TRPM4: variants seen among roughly 807,000 people sequenced by gnomAD.
The protein encoded by TRPM4 is calcium-activated non-selective cation channel 1.
A neutral mutation model predicts 135.6 loss-of-function variants in TRPM4; 124 were observed. The ratio of observed to expected loss-of-function variants is 0.91; its 90% CI spans 0.79 to 1.06. The LOEUF (loss-of-function observed/expected upper bound fraction) is 1.06. TRPM4 is among the 50% of genes least tolerant of loss of function. TRPM4 has a pLI of 0.00. For synonymous variants in TRPM4, 745 were observed against 705.6 expected (o/e 1.06, Z -0.88); for missense variants, 1,658 against 1,671.4 (o/e 0.99, Z 0.14).
At chr19:49,160,651 G>A (rs1193840713) in intron 2 of TRPM4, among the ~76,000 whole-genome samples, 2 of 152,104 alleles carry the variant, frequency 1.3e-5, no homozygotes, top group Admixed American at 6.6e-5. Flanking sequence ...GCCAGAGCTT[G>A]CAGGGTGTCA....
chr19:49,178,768 A>G (rs183665510), intron 9 of TRPM4, among the ~76,000 whole-genome samples: 16,287 of 95,966 alleles, frequency 0.17, 1,494 homozygotes, highest in African/African-American at 0.33. Flanking sequence ...TTATTTTTTT[A>G]TTTTTTTTGA....
intron 3 of TRPM4, among the ~76,000 whole-genome samples, chr19:49,166,856 G>C (rs949955180): frequency 6.8e-6 from 1 of 147,098 alleles, no homozygotes; most frequent in Non-Finnish European, 1.5e-5. Flanking sequence ...TCCTCTCTCT[G>C]GGTCTGTTTC....
intron 20 of TRPM4, among the ~76,000 whole-genome samples, chr19:49,203,763 T>TC (rs1969041452): frequency 1.3e-5 from 2 of 152,220 alleles, no homozygotes; most frequent in South Asian, 4.1e-4. Flanking sequence ...TCAAGGCTCA[T>TC]CCCTGTTGTA....
intron 20 of TRPM4, among the ~76,000 whole-genome samples, chr19:49,203,615 C>T (rs1969035544): frequency 6.6e-6 from 1 of 152,190 alleles, no homozygotes; most frequent in Non-Finnish European, 1.5e-5. Context: ...AACAGCAACT[C>T]CCCACTTCCC....
At position 49,168,080 on chromosome 19, in the gene TRPM4, G is replaced by A. The variant is rs755372426; in HGVS notation, c.431G>A (p.Arg144Gln). The change falls in exon 4 of 25, where the codon CGG becomes CAG. Residue 144 changes from arginine to glutamine, a missense_variant. Transcript: ENST00000252826. ...GACCTGCTGCGTCGTGGGCTGGTGC[G>A]GGCTGCCCAGAGCACAGGTGACCGA... ...LQDLLRRGLV[R>Q]AAQSTGAWIV... 6 of 1,606,624 alleles carry A rather than the reference G, an allele frequency of 3.7e-6. No individual in the cohort carries two copies. Among genetic ancestry groups the A allele is most frequent in the Admixed American group, 1.7e-5 (1 of 59,966 alleles).
At chr19:49,166,299 T>A (rs1027489335) in intron 3 of TRPM4, 84 bp downstream of exon 3, 35 of 1,419,160 alleles carry the variant, frequency 2.5e-5, no homozygotes, top group Middle Eastern at 2.5e-4. Flanking sequence ...ACGCCCGCCC[T>A]GAACCCTGGC....
rs149335121 is a variant in TRPM4 at position 49,167,987 on chromosome 19, G to A, written c.338G>A (p.Arg113His). The A allele has an allele frequency of 1.6e-4, 253 of 1,613,976 alleles. 1 individual carries two copies. The highest frequency in any genetic ancestry group is 1.9e-4 in the Non-Finnish European group (221 of 1,179,994). The part of the protein sequence containing the change: ...YSLVTRTWGF[R>H]APNLVVSVLG... ...CTGGTCACACGCACATGGGGCTTCC[G>A]TGCCCCGAACCTGGTGGTGTCAGTG... is the stretch of plus-strand genomic sequence containing the variant. The change falls in exon 4 of 25, where the codon CGT becomes CAT. Residue 113 changes from arginine (R) to histidine (H), a missense_variant. By Grantham distance (29) the Arg-to-His change is conservative (BLOSUM62 0). Coordinates refer to ENST00000252826, the MANE Select transcript of TRPM4 (RefSeq NM_017636.4).
chr19:49,168,470 G>A, intron 5 of TRPM4, 47 bp downstream of exon 5: 1 of 1,613,830 alleles, frequency 6.2e-7, no homozygotes, highest in Non-Finnish European at 8.5e-7. Context: ...CTGGACTCCT[G>A]GGTCTGAGGG....
intron 16 of TRPM4, among the ~76,000 whole-genome samples, chr19:49,192,333 C>T (rs748912039): frequency 1.1e-4 from 16 of 151,924 alleles, no homozygotes; most frequent in Non-Finnish European, 1.8e-4. Context: ...TTAGTAGAGA[C>T]GGGGTTTCAC....
intron 16 of TRPM4, among the ~76,000 whole-genome samples, chr19:49,191,555 G>A (rs1302552266): frequency 1.3e-5 from 2 of 151,678 alleles, no homozygotes; most frequent in African/African-American, 2.4e-5. Flanking sequence ...TCGCTCTGTC[G>A]ACCAGGCTGG....
intron 12 of TRPM4, among the ~76,000 whole-genome samples, chr19:49,184,452 CTTTTTTTTTTT>C (rs67748057): frequency 2.2e-5 from 1 of 45,476 alleles, no homozygotes. Flanking sequence ...TCTCTGTAGT[CTTTTTTTTTTT>C]TTTTTTTTTT....
At chr19:49,194,415 TTA>T (rs1185753259) in intron 16 of TRPM4, among the ~76,000 whole-genome samples, 2 of 152,034 alleles carry the variant, frequency 1.3e-5, no homozygotes, top group Non-Finnish European at 1.5e-5. Context: ...CGGCTAATTT[TTA>T]TATGTTTTGT....
Position 49,171,448 on chromosome 19 carries a change from G to A in TRPM4, c.858+30G>A, listed in dbSNP as rs750752873. 10 of 1,613,774 alleles carry A rather than the reference G, an allele frequency of 6.2e-6. No individual in the cohort carries two copies. In the African/African-American group the frequency reaches 8.0e-5, roughly 13 times the overall value. ...AGGGGCCCGGATGCCCGGATCTAAG[G>A]GGGAAGGAGGGTTGGGGGCCAGGAC... On this transcript the variant is annotated intron_variant, in intron 7 of 24. Transcript: ENST00000252826. The surrounding 1 kb of genome is among the most constrained non-coding windows in gnomAD (Gnocchi z 4.7).
intron 12 of TRPM4, among the ~76,000 whole-genome samples, chr19:49,183,540 G>T (rs903531524): frequency 4.6e-5 from 7 of 151,874 alleles, no homozygotes; most frequent in Non-Finnish European, 8.8e-5. Flanking sequence ...GGGATTACAG[G>T]CACCTGCCCC....
At position 49,196,603 on chromosome 19, in the gene TRPM4, C is replaced by A. The variant is rs1968651807; in HGVS notation, c.2374C>A (p.Leu792Met). The A allele has an allele frequency of 2.6e-6, 4 of 1,556,064 alleles. No individual in the cohort carries two copies. Among genetic ancestry groups the A allele is most frequent in the African/African-American group, 2.7e-5 (2 of 73,684 alleles). The change falls in exon 17 of 25, where the codon CTG becomes ATG. Residue 792 changes from leucine (L) to methionine (M), a missense_variant. By Grantham distance (15) the Leu-to-Met change is conservative. Transcript: ENST00000252826. ...IFMGNVVSYL[L>M]FLLLFSRVLL... ...CATGGGCAACGTGGTCAGCTACCTG[C>A]TGTTCCTGCTGCTTTTCTCGCGGGT...
At position 49,166,252 on chromosome 19, in the gene TRPM4, G is replaced by C. The variant is rs778283950; in HGVS notation, c.267+37G>C. ...CTCTGTGGGCGGGGCCCGGGCACCA[G>C]GGGGCTGCATGCTCGGGGCTCCAGA... On this transcript the variant is annotated intron_variant, in intron 3 of 24. Coordinates refer to ENST00000252826, the MANE Select transcript of TRPM4 (RefSeq NM_017636.4). The C allele has an allele frequency of 9.0e-6, 14 of 1,556,424 alleles. No homozygotes were observed. In the African/African-American group the frequency reaches 1.9e-4, roughly 21 times the overall value.
chr19:49,190,605 T>C (rs1440083689), intron 15 of TRPM4, 91 bp from the exon 16 acceptor site: 5 of 1,329,680 alleles, frequency 3.8e-6, no homozygotes, highest in Non-Finnish European at 5.4e-6. Context: ...CTCTGCCATG[T>C]CTCCGGGTGA....
rs886054580 is a variant in TRPM4, at chr19:49,200,622, G to C, written c.2790G>C (p.Val930=). The C allele has an allele frequency of 6.2e-7, 1 of 1,613,218 alleles. No homozygotes were observed. The part of the protein sequence containing the change: ...IVIVSKMMKD[V]FFFLFFLGVW... ...ACATCTCCCCACAGATGAAGGACGT[G>C]TTCTTCTTCCTCTTCTTCCTCGGCG... is the stretch of plus-strand genomic sequence containing the variant. Residue 930 remains valine, a synonymous_variant, in exon 19 of 25, where the codon GTG becomes GTC. Coordinates refer to ENST00000252826, the MANE Select transcript of TRPM4 (RefSeq NM_017636.4).
chr19:49,210,372 C>G lies in TRPM4; in HGVS notation c.3295C>G (p.Pro1099Ala). Residue 1099 changes from proline to alanine, a missense_variant, in exon 21 of 25, where the codon CCC (proline) becomes GCC (alanine). Physicochemically the swap from Pro to Ala is conservative, Grantham distance 27. Around this residue, in one of 3 missense-constraint regions of TRPM4, gnomAD observed 1,412 missense variants for 1,408.7 expected, o/e 1.00. Coordinates refer to ENST00000252826, the MANE Select transcript of TRPM4 (RefSeq NM_017636.4). This position sits in a 1 kb window ranked among gnomAD's most constrained non-coding sequence, Gnocchi z 4.1. ...GCAATTGTGCAGGCGACCCCGGAGC[C>G]CCCAGCCGTCCTCCCCGGCCCTCGA... ...LRQLCRRPRS[P>A]QPSSPALEHF... is the part of the protein sequence containing the mutation. The G allele has an allele frequency of 6.2e-7, 1 of 1,614,048 alleles. No homozygotes were observed. Among genetic ancestry groups the G allele is most frequent in the Admixed American group, 1.7e-5 (1 of 60,030 alleles).
Sources: gnomAD v4.1 joint callset for allele counts (sites outside exome capture counted in the v4.1 genomes callset) on GRCh38, gnomAD v4.1.1 for gene constraint, gnomAD v4.1.1 regional missense constraint, Gnocchi (gnomAD v3.1) non-coding constraint, MANE v1.5 for transcripts, NCBI Gene and HGNC (gene_info 2026-07-23, HGNC 2026-07-21) for gene names.